The following PTPRE variants were observed in gnomAD, a reference collection of about 807,000 sequenced individuals.
PTPRE encodes the protein protein tyrosine phosphatase receptor type E, also known as receptor-type tyrosine-protein phosphatase epsilon.
In PTPRE, 51 loss-of-function variants were observed where a neutral mutation model predicts 102.0. That is an observed-to-expected ratio of 0.50 (90% CI 0.40 to 0.63). The LOEUF (loss-of-function observed/expected upper bound fraction) is 0.63, where lower values mean the gene tolerates loss of function less well. PTPRE is among the 30% of genes least tolerant of loss of function. The pLI, the probability that PTPRE is intolerant of heterozygous loss-of-function variation, is 0.00. For missense variants in PTPRE, 752 were observed against 915.1 expected (o/e 0.82, Z 2.30); for synonymous variants, 345 against 348.2 (o/e 0.99, Z 0.10).
chr10:128,062,474 G>A (rs1849690887), intron 9 of PTPRE, among the ~76,000 whole-genome samples: 1 of 152,240 alleles, frequency 6.6e-6, no homozygotes, highest in African/African-American at 2.4e-5. Context: ...CACCCACAGG[G>A]AGCTAGCCCA....
chr10:127,965,721 G>A (rs1016105179), intron 1 of PTPRE, among the ~76,000 whole-genome samples: 5 of 152,272 alleles, frequency 3.3e-5, no homozygotes, highest in African/African-American at 9.6e-5. Flanking sequence ...TTCTGGGTGC[G>A]GTGAGGGTCT....
At chr10:128,015,276 G>A (rs760782973) in intron 2 of PTPRE, among the ~76,000 whole-genome samples, 5 of 152,178 alleles carry the variant, frequency 3.3e-5, no homozygotes, top group Non-Finnish European at 7.3e-5. Flanking sequence ...GGGCCTCGTG[G>A]CTCACGCCTA....
At position 128,034,365 on chromosome 10, in the gene PTPRE, A is replaced by G. The variant is rs573211204; in HGVS notation, c.-7-6510A>G. On this transcript the variant is annotated intron_variant, in intron 2 of 20. Transcript: ENST00000254667. ...ACACACACAGAACTCTTGGCTTTTGAAACTTTTATAGAGTTAAAATTATTG... is the reference window on the plus strand; with the variant it reads ...ACACACACAGAACTCTTGGCTTTTGGAACTTTTATAGAGTTAAAATTATTG... Among the ~76,000 whole-genome samples the G allele has an allele frequency of 1.7e-4, 25 of 149,502 alleles. No homozygotes were observed. In the South Asian group the frequency reaches 4.7e-3, roughly 28 times the overall value.
chr10:127,930,043 C>T (rs1479936200), intron 1 of PTPRE, among the ~76,000 whole-genome samples: 1 of 121,578 alleles, frequency 8.2e-6, no homozygotes. Flanking sequence ...GCCTGGACAA[C>T]AGAGGCAGAT....
chr10:127,923,832 A>T (rs1377855226), intron 1 of PTPRE, among the ~76,000 whole-genome samples: 1 of 152,000 alleles, frequency 6.6e-6, no homozygotes, highest in East Asian at 1.9e-4. Flanking sequence ...TTCATTTCCC[A>T]CTGCCTGATG....
At chr10:127,943,115 C>T (rs1848368661) in intron 1 of PTPRE, among the ~76,000 whole-genome samples, 1 of 152,166 alleles carries the variant, frequency 6.6e-6, no homozygotes, top group African/African-American at 2.4e-5. Context: ...CTAATGAAAA[C>T]AGTAAGACTG....
At chr10:128,044,612 T>C (rs1438217745) in intron 3 of PTPRE, among the ~76,000 whole-genome samples, 1 of 152,210 alleles carries the variant, frequency 6.6e-6, no homozygotes, top group Non-Finnish European at 1.5e-5. Flanking sequence ...GGTGTGAACA[T>C]ACACACACTT....
At chr10:128,049,386 G>C (rs1390190491) in intron 5 of PTPRE, 144 bp from the exon 6 acceptor site, 2 of 1,049,204 alleles carry the variant, frequency 1.9e-6, no homozygotes, top group Non-Finnish European at 2.8e-6. Flanking sequence ...TCGGGACCCG[G>C]CTTAGCCCAG....
chr10:127,932,837 C>T (rs1847547098), intron 1 of PTPRE, among the ~76,000 whole-genome samples: 1 of 152,230 alleles, frequency 6.6e-6, no homozygotes, highest in Non-Finnish European at 1.5e-5. Flanking sequence ...GATGAATTCA[C>T]TCCCAAACTC....
chr10:127,912,167 G>T (rs1309789262), intron 1 of PTPRE, among the ~76,000 whole-genome samples: 3 of 152,112 alleles, frequency 2.0e-5, no homozygotes, highest in Non-Finnish European at 2.9e-5. Context: ...GTATTGATGT[G>T]GTGCCCAGCC....
intron 1 of PTPRE, among the ~76,000 whole-genome samples, chr10:127,929,002 C>T (rs1016336046): frequency 6.6e-6 from 1 of 152,210 alleles, no homozygotes; most frequent in African/African-American, 2.4e-5. Flanking sequence ...TTGCAATTGA[C>T]AACACCTCAT....
At chr10:128,081,379 CT>C (rs1851696319) in intron 20 of PTPRE, among the ~76,000 whole-genome samples, 1 of 152,226 alleles carries the variant, frequency 6.6e-6, no homozygotes, top group African/African-American at 2.4e-5. Context: ...CCAGAAATGT[CT>C]GTCTGTGACC....
intron 2 of PTPRE, among the ~76,000 whole-genome samples, chr10:128,023,154 T>C (rs538048191): frequency 3.5e-4 from 54 of 152,134 alleles, no homozygotes; most frequent in Non-Finnish European, 6.9e-4. Context: ...TGACAGTATA[T>C]TGTTAGAATT....
intron 1 of PTPRE, among the ~76,000 whole-genome samples, chr10:127,974,639 CA>C (rs1250445217): frequency 3.3e-5 from 5 of 152,154 alleles, no homozygotes; most frequent in African/African-American, 1.2e-4. Flanking sequence ...AAATCCTAAG[CA>C]ATTGGCACAG....
chr10:127,979,451 A>G (rs898922413), intron 1 of PTPRE, among the ~76,000 whole-genome samples: 1 of 152,220 alleles, frequency 6.6e-6, no homozygotes, highest in African/African-American at 2.4e-5. Context: ...TCTTTAAGAA[A>G]CTGATAGTTG....
chr10:127,925,441 AAT>A (rs1846932158), intron 1 of PTPRE, among the ~76,000 whole-genome samples: 1 of 152,168 alleles, frequency 6.6e-6, no homozygotes, highest in Non-Finnish European at 1.5e-5. Context: ...GGCTCCTGGC[AAT>A]ATCCCGGATC....
chr10:128,051,692 C>A (rs1023979295), intron 6 of PTPRE, among the ~76,000 whole-genome samples: 1 of 152,364 alleles, frequency 6.6e-6, no homozygotes, highest in East Asian at 1.9e-4. Flanking sequence ...GGAAGTTCCT[C>A]ATTCTCTTCT....
intron 2 of PTPRE, among the ~76,000 whole-genome samples, chr10:127,997,049 A>G (rs1411892695): frequency 6.6e-6 from 1 of 152,242 alleles, no homozygotes; most frequent in Non-Finnish European, 1.5e-5. Flanking sequence ...ACACAGTGCA[A>G]CAGTCAAAAT....
At position 127,953,611 on chromosome 10, in the gene PTPRE, C is replaced by T. The variant is rs1264182721; in HGVS notation, c.-30-28663C>T. ...ATAAGTAAGTTACATGAAGAAGTGG[C>T]CCAAATACTTATGGTTCCTACTCCT... On this transcript the variant is annotated intron_variant, in intron 1 of 20. Transcript: ENST00000254667. Among the ~76,000 whole-genome samples, 3 of 152,304 alleles carry T rather than the reference C, an allele frequency of 2.0e-5. No individual in the cohort carries two copies. The East Asian group carries it at 5.8e-4, about 29-fold the overall frequency.
Sources: gnomAD v4.1 joint callset for allele counts (sites outside exome capture counted in the v4.1 genomes callset) on GRCh38, gnomAD v4.1.1 for gene constraint, MANE v1.5 for transcripts, NCBI Gene and HGNC (gene_info 2026-07-23, HGNC 2026-07-21) for gene names.